SMAD2: variants seen among roughly 807,000 people sequenced by gnomAD.
SMAD2 encodes the protein MAD homolog 2.
SMAD2 carries 8 observed loss-of-function variants against 64.4 expected under a neutral mutation model. The ratio of observed to expected loss-of-function variants is 0.12; its 90% CI spans 0.07 to 0.22. SMAD2 has a LOEUF of 0.22. SMAD2 is among the 10% of genes least tolerant of loss of function. SMAD2 has a pLI of 1.00. For missense variants in SMAD2, 289 were observed against 561.2 expected (o/e 0.51, Z 4.90); for synonymous variants, 203 against 195.8 (o/e 1.04, Z -0.31).
intron 2 of SMAD2, among the ~76,000 whole-genome samples, chr18:47,890,473 G>A (rs763445590): frequency 1.3e-5 from 2 of 152,134 alleles, no homozygotes; most frequent in Admixed American, 6.5e-5. Flanking sequence ...AATAGAGAAC[G>A]AAGACCTAGA....
Position 47,811,085 on chromosome 18 carries a change from A to G in SMAD2, c.*30742T>C, listed in dbSNP as rs1012828561. On this transcript the variant is annotated 3_prime_UTR_variant, in exon 11 of 11. Transcript: ENST00000262160. ...CCCAAGCCCCAAATGTGCAATAAAG[A>G]AAGTAAAAATTAGTTGCTGTCCACT... 6.6e-6 allele frequency: 1 copy of G among 152,422 alleles called. No individual in the cohort carries two copies. Among genetic ancestry groups the G allele is most frequent in the East Asian group, 1.9e-4 (1 of 5,190 alleles). 9.4% of individuals were successfully genotyped at this position (152,422 alleles called of 1,614,324 possible). A position where few individuals can be genotyped will look rare whatever the true frequency, so the allele number is the denominator to read the frequency against.
chr18:47,890,244 A>C (rs968110078), intron 2 of SMAD2, among the ~76,000 whole-genome samples: 1 of 152,214 alleles, frequency 6.6e-6, no homozygotes, highest in Non-Finnish European at 1.5e-5. Flanking sequence ...GTATATGACA[A>C]ACTGGATGAT....
intron 2 of SMAD2, among the ~76,000 whole-genome samples, chr18:47,875,326 C>G (rs546875921): frequency 6.6e-6 from 1 of 152,222 alleles, no homozygotes; most frequent in African/African-American, 2.4e-5. Flanking sequence ...CAACAACACC[C>G]TGAGCTCCCA....
intron 2 of SMAD2, among the ~76,000 whole-genome samples, chr18:47,889,461 C>T (rs916695360): frequency 6.6e-6 from 1 of 151,912 alleles, no homozygotes; most frequent in Non-Finnish European, 1.5e-5. Context: ...CCTGGGTAGC[C>T]TAGAATGGTT....
intron 2 of SMAD2, among the ~76,000 whole-genome samples, chr18:47,888,638 C>T (rs1019057685): frequency 6.6e-6 from 1 of 152,226 alleles, no homozygotes; most frequent in Non-Finnish European, 1.5e-5. Flanking sequence ...AGTCTAGCCC[C>T]ACCCAGCTCA....
Position 47,825,408 on chromosome 18 carries a change from A to T in SMAD2, c.*16419T>A, listed in dbSNP as rs1207736756. ...GTTCTCACTCTCTCAAGACTAGATT[A>T]GTCCCCAGGAGTGGGTTGTTAAAAA... On this transcript the variant is annotated 3_prime_UTR_variant, in exon 11 of 11. Coordinates refer to ENST00000262160, the MANE Select transcript of SMAD2 (RefSeq NM_005901.6). 1 of 152,256 alleles carries T rather than the reference A, an allele frequency of 6.6e-6. No individual in the cohort carries two copies. The highest frequency in any genetic ancestry group is 2.4e-5 in the African/African-American group (1 of 41,454). The allele number at this position is 152,256 out of a possible 1,614,324, so 9.4% of individuals were successfully genotyped here.
Position 47,845,503 on chromosome 18 carries a change from A to G in SMAD2, c.1136-19T>C, listed in dbSNP as rs774478799. 1.2e-6 allele frequency: 2 copies of G among 1,610,816 alleles called. No homozygotes were observed. The highest frequency in any genetic ancestry group is 1.7e-6 in the Non-Finnish European group (2 of 1,177,056). On this transcript the variant is annotated intron_variant, in intron 9 of 10. Coordinates refer to ENST00000262160, the MANE Select transcript of SMAD2 (RefSeq NM_005901.6). ...TTACAGCCTATGATTAAAAAAGGTA[A>G]AAGAAATTGTCAAAAGAGTATCATT...
In SMAD2 at chr18:47,818,839, T is replaced by C. The variant is rs994944348; in HGVS notation, c.*22988A>G. 1 of 152,242 alleles carries C rather than the reference T, an allele frequency of 6.6e-6. No individual in the cohort carries two copies. The highest frequency in any genetic ancestry group is 1.5e-5 in the Non-Finnish European group (1 of 68,042). The allele number at this position is 152,242 out of a possible 1,614,324, so 9.4% of individuals were successfully genotyped here. On this transcript the variant is annotated 3_prime_UTR_variant, in exon 11 of 11. Coordinates refer to ENST00000262160, the MANE Select transcript of SMAD2 (RefSeq NM_005901.6). ...ACAGCTTTCATAAGATTACCTATTC[T>C]GCATGTTTACCCAGCTGAGCAGGTC...
chr18:47,892,386 G>T (rs1230525908), intron 2 of SMAD2, among the ~76,000 whole-genome samples: 1 of 152,072 alleles, frequency 6.6e-6, no homozygotes, highest in African/African-American at 2.4e-5. Context: ...TTTCAGTAGA[G>T]ACCGGGTTTC....
intron 7 of SMAD2, among the ~76,000 whole-genome samples, chr18:47,850,410 TAATATATATA>T: frequency 1.4e-4 from 3 of 22,152 alleles, no homozygotes; most frequent in Non-Finnish European, 2.1e-4. Context: ...ATATTATGTA[TAATATATATA>T]ATATATTATA....
chr18:47,845,241 C>T, intron 10 of SMAD2, 99 bp downstream of exon 10: 1 of 1,224,246 alleles, frequency 8.2e-7, no homozygotes, highest in Non-Finnish European at 1.2e-6. Flanking sequence ...ACTCTATAAC[C>T]TCATTGAAAA....
chr18:47,917,005 G>C (rs1182318129), intron 1 of SMAD2, among the ~76,000 whole-genome samples: 1 of 152,134 alleles, frequency 6.6e-6, no homozygotes, highest in African/African-American at 2.4e-5. Context: ...TGTTGAGACA[G>C]AGTCTCGCTG....
In SMAD2 at chr18:47,826,641, T is replaced by C. The variant is rs539494466; in HGVS notation, c.*15186A>G. The stretch of plus-strand genomic sequence containing the variant: ...AGAGACATCTAGCCGAAATCACTTA[T>C]CTAATTCATAAACTGTTTATTGCTG... On this transcript the variant is annotated 3_prime_UTR_variant, in exon 11 of 11. Transcript: ENST00000262160. The C allele has an allele frequency of 6.6e-6, 1 of 152,242 alleles. No individual in the cohort carries two copies. Among genetic ancestry groups the C allele is most frequent in the African/African-American group, 2.4e-5 (1 of 41,464 alleles). The allele number at this position is 152,242 out of a possible 1,614,324, so 9.4% of individuals were successfully genotyped here. A position where few individuals can be genotyped will look rare whatever the true frequency, so the allele number is the denominator to read the frequency against.
Position 47,823,161 on chromosome 18 carries a change from G to A in SMAD2, c.*18666C>T, listed in dbSNP as rs954847221. The A allele has an allele frequency of 5.3e-5, 8 of 152,138 alleles. No individual in the cohort carries two copies. The highest frequency in any genetic ancestry group is 4.1e-4 in the South Asian group (2 of 4,822). 9.4% of individuals were successfully genotyped at this position (152,138 alleles called of 1,614,324 possible). ...CTTCAATGGTTCTCAGCATTACACT[G>A]AATTAAAAATTATCATTTCCTGGCA... On this transcript the variant is annotated 3_prime_UTR_variant, in exon 11 of 11. Coordinates refer to ENST00000262160, the MANE Select transcript of SMAD2 (RefSeq NM_005901.6).
intron 1 of SMAD2, among the ~76,000 whole-genome samples, chr18:47,901,039 A>C (rs1441642280): frequency 6.6e-6 from 1 of 152,214 alleles, no homozygotes; most frequent in Non-Finnish European, 1.5e-5. Flanking sequence ...TAATACCACC[A>C]TTAATAGTTT....
intron 1 of SMAD2, chr18:47,912,567 G>A (rs1299439907): frequency 3.3e-5 from 5 of 152,314 alleles, no homozygotes; most frequent in African/African-American, 1.2e-4. Flanking sequence ...GTAAGAGTGT[G>A]TGCCAGAGCT....
chr18:47,874,710 A>G (rs1477560611), intron 2 of SMAD2, among the ~76,000 whole-genome samples: 1 of 152,114 alleles, frequency 6.6e-6, no homozygotes, highest in Non-Finnish European at 1.5e-5. Flanking sequence ...AGGTAAAAAG[A>G]TCTGTAATTA....
intron 2 of SMAD2, among the ~76,000 whole-genome samples, chr18:47,876,423 G>T (rs1170602888): frequency 6.6e-6 from 1 of 151,996 alleles, no homozygotes; most frequent in Non-Finnish European, 1.5e-5. Context: ...GCATACGTAT[G>T]TTATCTCACG....
intron 6 of SMAD2, among the ~76,000 whole-genome samples, chr18:47,860,743 A>G (rs565910642): frequency 7.0e-4 from 107 of 152,330 alleles, no homozygotes; most frequent in African/African-American, 2.4e-3. Flanking sequence ...AGATGGAAAA[A>G]TTCTCAAAAA....
Sources: gnomAD v4.1 joint callset for allele counts (sites outside exome capture counted in the v4.1 genomes callset) on GRCh38, gnomAD v4.1.1 for gene constraint, MANE v1.5 for transcripts, NCBI Gene and HGNC (gene_info 2026-07-23, HGNC 2026-07-21) for gene names.